MAP4K3: variants seen among roughly 807,000 people sequenced by gnomAD.
The protein encoded by MAP4K3 is mitogen-activated protein kinase kinase kinase kinase 3.
Under a neutral mutation model 143.5 loss-of-function variants are expected in MAP4K3, and 94 were observed. The ratio of observed to expected loss-of-function variants is 0.65; its 90% CI spans 0.55 to 0.78. The LOEUF is 0.78. Ranked by LOEUF, MAP4K3 falls within the 30% of genes least tolerant of loss-of-function variation. MAP4K3 has a pLI of 0.00. For synonymous variants in MAP4K3, 416 were observed against 347.2 expected (o/e 1.20, Z -2.20); for missense variants, 1,077 against 1,068.1 (o/e 1.01, Z -0.12).
At chr2:39,311,245 G>A (rs1331029924) in intron 13 of MAP4K3, among the ~76,000 whole-genome samples, 2 of 152,026 alleles carry the variant, frequency 1.3e-5, no homozygotes, top group African/African-American at 4.8e-5. Context: ...ACCTAGCTAA[G>A]TTTTTGTATT....
chr2:39,259,633 C>A (rs971434930), intron 29 of MAP4K3, among the ~76,000 whole-genome samples: 21 of 152,062 alleles, frequency 1.4e-4, no homozygotes, highest in African/African-American at 4.3e-4. Flanking sequence ...ATTTCGTATT[C>A]ATTTTCATAT....
At chr2:39,291,368 A>G (rs1421288155) in intron 18 of MAP4K3, among the ~76,000 whole-genome samples, 1 of 152,224 alleles carries the variant, frequency 6.6e-6, no homozygotes, top group Non-Finnish European at 1.5e-5. Flanking sequence ...TTATAATTCC[A>G]GTTTATATCA....
intron 32 of MAP4K3, among the ~76,000 whole-genome samples, chr2:39,252,347 C>T (rs190485159): frequency 2.2e-3 from 333 of 152,292 alleles, no homozygotes; most frequent in African/African-American, 7.6e-3. Context: ...TACTGGGCAA[C>T]GTATGTAATC....
chr2:39,385,637 T>C (rs1666484420), intron 1 of MAP4K3, among the ~76,000 whole-genome samples: 1 of 147,188 alleles, frequency 6.8e-6, no homozygotes, highest in Non-Finnish European at 1.5e-5. Context: ...TGCAATTTTT[T>C]TTTTTTTTTG....
At chr2:39,346,072 A>G (rs557719797) in intron 3 of MAP4K3, among the ~76,000 whole-genome samples, 2 of 152,318 alleles carry the variant, frequency 1.3e-5, no homozygotes, top group South Asian at 4.1e-4. Context: ...TATGGTAAAT[A>G]CCAATAGCTA....
intron 1 of MAP4K3, among the ~76,000 whole-genome samples, chr2:39,385,582 A>C (rs1380501383): frequency 8.4e-5 from 5 of 59,306 alleles, no homozygotes; most frequent in Non-Finnish European, 2.2e-4. Flanking sequence ...ATATATATAT[A>C]TATATATATA....
chr2:39,378,401 C>A (rs527636571), intron 1 of MAP4K3, among the ~76,000 whole-genome samples: 1 of 152,064 alleles, frequency 6.6e-6, no homozygotes, highest in East Asian at 1.9e-4. Flanking sequence ...TTCATTTAAT[C>A]CTCACAACAA....
intron 24 of MAP4K3, among the ~76,000 whole-genome samples, chr2:39,273,973 T>C (rs1409018253): frequency 2.6e-5 from 4 of 152,176 alleles, no homozygotes; most frequent in Admixed American, 2.6e-4. Flanking sequence ...TTTTATTTAA[T>C]TCAGTGTTGA....
chr2:39,266,332 T>C (rs1160509741), intron 27 of MAP4K3, among the ~76,000 whole-genome samples: 1 of 152,200 alleles, frequency 6.6e-6, no homozygotes, highest in Non-Finnish European at 1.5e-5. Context: ...TCCCTGCTAT[T>C]TGCACTGCTA....
chr2:39,289,274 C>T (rs183920199), intron 19 of MAP4K3, among the ~76,000 whole-genome samples: 13 of 152,210 alleles, frequency 8.5e-5, no homozygotes, highest in African/African-American at 3.1e-4. Flanking sequence ...CAAGCAAGTA[C>T]AGCATTATTT....
intron 13 of MAP4K3, among the ~76,000 whole-genome samples, chr2:39,313,320 G>A (rs971925965): frequency 6.6e-6 from 1 of 151,956 alleles, no homozygotes; most frequent in Non-Finnish European, 1.5e-5. Context: ...CGTCACCCAG[G>A]TACTAAGCCT....
chr2:39,300,073 T>C lies in MAP4K3; in HGVS notation c.1120-272A>G, dbSNP rs1200242772. 4.6e-5 allele frequency among the ~76,000 whole-genome samples: 7 copies of C among 152,254 alleles called. 1 individual carries two copies. Among genetic ancestry groups the C allele is most frequent in the Admixed American group, 4.6e-4 (7 of 15,298 alleles). ...TTACTTTAATTAACTTTTGTAAAAA[T>C]CAGTTTTTAGAAAGAAAAAAGCTCA... On this transcript the variant is annotated intron_variant, in intron 15 of 33. Coordinates refer to ENST00000263881, the MANE Select transcript of MAP4K3 (RefSeq NM_003618.4).
At chr2:39,324,422 A>G (rs1683421058) in intron 12 of MAP4K3, among the ~76,000 whole-genome samples, 1 of 152,042 alleles carries the variant, frequency 6.6e-6, no homozygotes, top group South Asian at 2.1e-4. Context: ...AAACAAAAAC[A>G]AAACAAAAAA....
chr2:39,390,687 C>T (rs1309664589), intron 1 of MAP4K3, among the ~76,000 whole-genome samples: 4 of 151,758 alleles, frequency 2.6e-5, no homozygotes, highest in African/African-American at 9.7e-5. Flanking sequence ...ATTAAGTGTC[C>T]CCAAATCAGA....
chr2:39,367,034 T>C (rs1385024659), intron 2 of MAP4K3, among the ~76,000 whole-genome samples: 3 of 152,198 alleles, frequency 2.0e-5, no homozygotes, highest in Non-Finnish European at 4.4e-5. Flanking sequence ...ATTTGTATTT[T>C]TTTCAGAAAT....
chr2:39,402,257 G>GA (rs1666971869), intron 1 of MAP4K3, among the ~76,000 whole-genome samples: 1 of 152,092 alleles, frequency 6.6e-6, no homozygotes, highest in South Asian at 2.1e-4. Flanking sequence ...TCTCTGTCTG[G>GA]AAAAAATGAA....
chr2:39,331,745 A>G (rs1683688435), intron 8 of MAP4K3, among the ~76,000 whole-genome samples, 172 bp downstream of exon 8: 1 of 152,096 alleles, frequency 6.6e-6, no homozygotes, highest in African/African-American at 2.4e-5. Flanking sequence ...ACATGGTAGG[A>G]TATTTTCTGG....
At chr2:39,379,500 G>C (rs974977186) in intron 1 of MAP4K3, among the ~76,000 whole-genome samples, 1 of 151,892 alleles carries the variant, frequency 6.6e-6, no homozygotes, top group Non-Finnish European at 1.5e-5. Flanking sequence ...CCTTTCTCTA[G>C]GAAGAAAACA....
At chr2:39,263,204 T>C (rs978709917) in intron 28 of MAP4K3, among the ~76,000 whole-genome samples, 4 of 151,924 alleles carry the variant, frequency 2.6e-5, no homozygotes, top group Non-Finnish European at 4.4e-5. Context: ...TTAAGGGTTA[T>C]AGTATAGAAA....
Sources: allele counts gnomAD v4.1 joint callset (sites outside exome capture counted in the v4.1 genomes callset), GRCh38; gene constraint gnomAD v4.1.1; transcripts MANE v1.5; gene names NCBI Gene and HGNC (gene_info 2026-07-23, HGNC 2026-07-21).